CTNNBIP1: variants seen among roughly 807,000 people sequenced by gnomAD.
CTNNBIP1 encodes beta-catenin-interacting protein 1.
Under a neutral mutation model 11.8 loss-of-function variants are expected in CTNNBIP1, and 7 were observed. The observed-to-expected ratio is 0.60, with a 90% confidence interval of 0.34 to 1.12. The LOEUF (loss-of-function observed/expected upper bound fraction) is 1.12. CTNNBIP1 is among the 50% of genes most tolerant of loss of function. CTNNBIP1 has a pLI of 0.03. For synonymous variants in CTNNBIP1, 58 were observed against 43.9 expected, an observed-to-expected ratio of 1.32 and a Z score of -1.26; for missense variants, 101 against 113.4, an observed-to-expected ratio of 0.89 and a Z score of 0.50.
intron 5 of CTNNBIP1, among the ~76,000 whole-genome samples, chr1:9,865,590 CGA>C (rs1638727965): frequency 6.6e-6 from 1 of 151,270 alleles, no homozygotes; most frequent in Non-Finnish European, 1.5e-5. Context: ...GGTGACAGAG[CGA>C]GACTCTGTCT....
chr1:9,849,663 G>A lies in CTNNBIP1; in HGVS notation c.*1055C>T, dbSNP rs7539650. On this transcript the variant is annotated 3_prime_UTR_variant, in exon 6 of 6. Transcript: ENST00000377263. ...TTTCCAAGATGACCCCCAAAATGAG[G>A]CCTCAGGAAGTGGTACACAGAAGGA... 0.046 allele frequency: 6,976 copies of A among 152,432 alleles called. 547 individuals carry two copies. The highest frequency in any genetic ancestry group is 0.16 in the African/African-American group (6,535 of 41,530). The allele number at this position is 152,432 out of a possible 1,614,324, so 9.4% of individuals were successfully genotyped here.
chr1:9,887,816 A>G (rs1639216470), intron 1 of CTNNBIP1, among the ~76,000 whole-genome samples: 1 of 152,094 alleles, frequency 6.6e-6, no homozygotes, highest in African/African-American at 2.4e-5. Context: ...ATTATTATAT[A>G]CCAATAGAAA....
intron 1 of CTNNBIP1, among the ~76,000 whole-genome samples, chr1:9,888,600 C>A (rs1191469133): frequency 2.0e-5 from 3 of 152,082 alleles, no homozygotes; most frequent in Non-Finnish European, 2.9e-5. Flanking sequence ...GGGAGAGGCC[C>A]TGCATCTGTC....
chr1:9,886,193 G>C (rs1045775367), intron 1 of CTNNBIP1, among the ~76,000 whole-genome samples: 2 of 152,220 alleles, frequency 1.3e-5, no homozygotes, highest in Non-Finnish European at 2.9e-5. Context: ...AAGGGACAGA[G>C]AGGCGGGAGG....
intron 5 of CTNNBIP1, among the ~76,000 whole-genome samples, chr1:9,852,469 G>A (rs1249070637): frequency 6.6e-6 from 1 of 152,196 alleles, no homozygotes; most frequent in Non-Finnish European, 1.5e-5. Flanking sequence ...CAGCTTCCTA[G>A]GATGGGGCAC....
At chr1:9,857,951 G>A (rs1218237985) in intron 5 of CTNNBIP1, among the ~76,000 whole-genome samples, 1 of 152,174 alleles carries the variant, frequency 6.6e-6, no homozygotes. Flanking sequence ...GGAGTGTCAG[G>A]TGGTGCAGCT....
chr1:9,895,970 C>T (rs72858053), intron 1 of CTNNBIP1, among the ~76,000 whole-genome samples: 18,220 of 152,104 alleles, frequency 0.12, 3,601 homozygotes, highest in African/African-American at 0.41. Context: ...TCTTTGATAT[C>T]CACCCCATAT....
intron 3 of CTNNBIP1, among the ~76,000 whole-genome samples, chr1:9,874,263 T>C (rs1245150237): frequency 6.6e-6 from 1 of 152,122 alleles, no homozygotes; most frequent in Non-Finnish European, 1.5e-5. Context: ...TAAAGGCACC[T>C]TCCTAGGGAA....
intron 5 of CTNNBIP1, among the ~76,000 whole-genome samples, chr1:9,861,309 G>A (rs1262168015): frequency 6.6e-6 from 1 of 152,194 alleles, no homozygotes; most frequent in African/African-American, 2.4e-5. Flanking sequence ...ATTTCTGAAG[G>A]GGACAAAACT....
chr1:9,906,127 A>G (rs138202639), intron 1 of CTNNBIP1, among the ~76,000 whole-genome samples: 51 of 152,352 alleles, frequency 3.3e-4, no homozygotes, highest in African/African-American at 1.2e-3. Context: ...CTCCATGAGG[A>G]AAGTATTACT....
intron 5 of CTNNBIP1, among the ~76,000 whole-genome samples, chr1:9,853,164 G>T (rs1387525670): frequency 6.6e-6 from 1 of 152,198 alleles, no homozygotes; most frequent in Non-Finnish European, 1.5e-5. Context: ...AGAGGAAAAG[G>T]CCTGAGGAGC....
At chr1:9,905,542 C>T (rs2101550272) in intron 1 of CTNNBIP1, among the ~76,000 whole-genome samples, 1 of 152,152 alleles carries the variant, frequency 6.6e-6, no homozygotes, top group East Asian at 1.9e-4. Flanking sequence ...CCTGCCTCAG[C>T]CTCCTGAGTA....
At chr1:9,906,770 T>C (rs557011030) in intron 1 of CTNNBIP1, among the ~76,000 whole-genome samples, 1 of 152,150 alleles carries the variant, frequency 6.6e-6, no homozygotes, top group Non-Finnish European at 1.5e-5. Flanking sequence ...ACAAGAAGCA[T>C]GGTCTGATGA....
chr1:9,857,523 C>T (rs1638533138), intron 5 of CTNNBIP1, among the ~76,000 whole-genome samples: 1 of 150,866 alleles, frequency 6.6e-6, no homozygotes, highest in Non-Finnish European at 1.5e-5. Context: ...GGCACAGTGG[C>T]TCACGCCTGT....
At chr1:9,861,447 C>T (rs1638624101) in intron 5 of CTNNBIP1, among the ~76,000 whole-genome samples, 1 of 152,184 alleles carries the variant, frequency 6.6e-6, no homozygotes, top group Admixed American at 6.5e-5. Flanking sequence ...CTCCAGAGTC[C>T]CCAGGGGATG....
chr1:9,882,820 T>C (rs1323624547), intron 2 of CTNNBIP1, among the ~76,000 whole-genome samples: 3 of 152,174 alleles, frequency 2.0e-5, no homozygotes, highest in African/African-American at 7.2e-5. Flanking sequence ...GAGAAGCCCA[T>C]GGAGGCGCAA....
chr1:9,861,882 G>A (rs1382232226), intron 5 of CTNNBIP1, among the ~76,000 whole-genome samples: 2 of 152,202 alleles, frequency 1.3e-5, no homozygotes, highest in African/African-American at 2.4e-5. Flanking sequence ...TCTGTACAAC[G>A]TGATGAATCT....
intron 1 of CTNNBIP1, among the ~76,000 whole-genome samples, chr1:9,901,909 C>T (rs925613834): frequency 6.6e-6 from 1 of 152,186 alleles, no homozygotes; most frequent in African/African-American, 2.4e-5. Flanking sequence ...GCCTCGCTGT[C>T]CTGGCACCCT....
At chr1:9,863,474 C>T (rs1638674584) in intron 5 of CTNNBIP1, among the ~76,000 whole-genome samples, 1 of 152,204 alleles carries the variant, frequency 6.6e-6, no homozygotes, top group African/African-American at 2.4e-5. Flanking sequence ...ACCCAGAAAC[C>T]CCAGCAGATC....
Sources: allele counts gnomAD v4.1 joint callset (sites outside exome capture counted in the v4.1 genomes callset), GRCh38; gene constraint gnomAD v4.1.1; transcripts MANE v1.5; gene names NCBI Gene and HGNC (gene_info 2026-07-23, HGNC 2026-07-21).